The following TRAFD1 variants were observed in gnomAD, a reference collection of about 807,000 sequenced individuals.
TRAFD1 encodes the protein TRAF-type zinc finger domain containing 1.
TRAFD1 carries 38 observed loss-of-function variants against 65.3 expected under a neutral mutation model. That is an observed-to-expected ratio of 0.58 (90% CI 0.45 to 0.76). TRAFD1 has a LOEUF of 0.76. TRAFD1 is among the 30% of genes least tolerant of loss of function. TRAFD1 has a pLI of 0.00. For synonymous variants in TRAFD1, 223 were observed against 257.2 expected (o/e 0.87, Z 1.27); for missense variants, 631 against 712.6 (o/e 0.89, Z 1.30).
chr12:112,144,296 G>A (rs2030177368), intron 6 of TRAFD1, among the ~76,000 whole-genome samples: 1 of 149,012 alleles, frequency 6.7e-6, no homozygotes. Flanking sequence ...TTGAGACAGA[G>A]TCTCCCTCTG....
chr12:112,139,711 T>C (rs1327853355), intron 4 of TRAFD1, among the ~76,000 whole-genome samples: 1 of 152,208 alleles, frequency 6.6e-6, no homozygotes, highest in African/African-American at 2.4e-5. Context: ...GCGTGGGCCA[T>C]TGCCCAGGTC....
At position 112,149,889 on chromosome 12, in the gene TRAFD1, C is replaced by T; in HGVS notation, c.1279+18C>T. 1.2e-6 allele frequency: 2 copies of T among 1,613,728 alleles called. No individual in the cohort carries two copies. Among genetic ancestry groups the T allele is most frequent in the Non-Finnish European group, 1.7e-6 (2 of 1,179,724 alleles). On this transcript the variant is annotated intron_variant, in intron 9 of 11. Transcript: ENST00000412615. ...ACACCAGGGTATTTATTAGCCAGGA[C>T]TCAGCCAAGGCCGCAGGTCTACTGC...
chr12:112,140,325 CAGG>C (rs889686274), intron 4 of TRAFD1: 2 of 163,532 alleles, frequency 1.2e-5, no homozygotes, highest in African/African-American at 5.0e-5. Context: ...GAGGCTGAGG[CAGG>C]AGAATCGTGT....
chr12:112,132,332 G>A (rs1200005411), intron 2 of TRAFD1, among the ~76,000 whole-genome samples: 1 of 152,112 alleles, frequency 6.6e-6, no homozygotes, highest in Non-Finnish European at 1.5e-5. Flanking sequence ...AATCCCAAGA[G>A]TAGGATTATT....
Position 112,134,800 on chromosome 12 carries a change from G to GT in TRAFD1, c.111dup (p.Met38TyrfsTer6). On this transcript the variant is annotated frameshift_variant, in exon 3 of 12. Transcript: ENST00000412615. LOFTEE classifies it high-confidence loss of function. ...GAGATCCACTGTCAAAGGAACATTG[G>GT]TATGTGTCCTACCTGTAAGGAACCA... The GT allele has an allele frequency of 6.2e-7, 1 of 1,613,764 alleles. No individual in the cohort carries two copies. The highest frequency in any genetic ancestry group is 8.5e-7 in the Non-Finnish European group (1 of 1,179,660).
rs972172067 is a variant in TRAFD1 at position 112,148,118 on chromosome 12, C to T, written c.972C>T (p.Gly324=). 6.2e-7 allele frequency: 1 copy of T among 1,614,186 alleles called. No homozygotes were observed. The highest frequency in any genetic ancestry group is 8.5e-7 in the Non-Finnish European group (1 of 1,180,006). The change falls in exon 8 of 12, where the codon GGC becomes GGT. Residue 324 remains glycine, a synonymous_variant. Coordinates refer to ENST00000412615, the MANE Select transcript of TRAFD1 (RefSeq NM_006700.3). ...GTGCCTTACCTTCACTCAATACTGG[C>T]AGCTCTTCCCCCAGAGGGGTGGAGG... is the stretch of plus-strand genomic sequence containing the variant. ...PSRALPSLNT[G]SSSPRGVEEP... is the part of the protein sequence containing the mutation.
chr12:112,127,030 T>C (rs2079542011), intron 1 of TRAFD1, among the ~76,000 whole-genome samples: 1 of 152,230 alleles, frequency 6.6e-6, no homozygotes, highest in Non-Finnish European at 1.5e-5. Flanking sequence ...TGGAATCGAA[T>C]CCAATATTCT....
At chr12:112,140,142 C>T (rs916863790) in intron 4 of TRAFD1, 9 of 338,586 alleles carry the variant, frequency 2.7e-5, no homozygotes, top group African/African-American at 6.7e-5. Context: ...AATTGGAGGC[C>T]GGGCGTGGTG....
In TRAFD1 at chr12:112,142,087, A is replaced by G; in HGVS notation, c.644-2A>G. On this transcript the variant is annotated splice_acceptor_variant, in intron 5 of 11. Coordinates refer to ENST00000412615, the MANE Select transcript of TRAFD1 (RefSeq NM_006700.3). LOFTEE classifies it high-confidence loss of function. ...GAATGTTGGTTGGTTTTTTTTTTTC[A>G]GTTGAAGAACAAGAGAGGCAGGAAA... 3 of 1,603,866 alleles carry G rather than the reference A, an allele frequency of 1.9e-6. No individual in the cohort carries two copies. The highest frequency in any genetic ancestry group is 2.6e-6 in the Non-Finnish European group (3 of 1,175,908).
chr12:112,132,469 A>G (rs1555244091), intron 2 of TRAFD1, among the ~76,000 whole-genome samples: 1 of 152,228 alleles, frequency 6.6e-6, no homozygotes, highest in Non-Finnish European at 1.5e-5. Flanking sequence ...GTTGGGATGT[A>G]TTATTTTAAC....
intron 2 of TRAFD1, among the ~76,000 whole-genome samples, chr12:112,134,297 AC>A (rs796380533): frequency 2.8e-5 from 4 of 141,680 alleles, no homozygotes; most frequent in African/African-American, 1.1e-4. Flanking sequence ...GGCGTGAGCC[AC>A]GGCGCCCGGC....
chr12:112,146,760 T>G (rs780293297), intron 7 of TRAFD1, among the ~76,000 whole-genome samples: 3 of 152,168 alleles, frequency 2.0e-5, no homozygotes, highest in Non-Finnish European at 4.4e-5. Flanking sequence ...CCCACCTCTC[T>G]TATAGTTTGT....
At chr12:112,129,024 C>G (rs1168332755) in intron 1 of TRAFD1, among the ~76,000 whole-genome samples, 1 of 124,188 alleles carries the variant, frequency 8.1e-6, no homozygotes, top group Non-Finnish European at 1.6e-5. Context: ...GAGTGAGACT[C>G]TGTTTAAAAA....
intron 6 of TRAFD1, among the ~76,000 whole-genome samples, chr12:112,142,611 C>G (rs1467574565): frequency 6.6e-6 from 1 of 151,490 alleles, no homozygotes. Context: ...GATTGTGCCA[C>G]TGCACTCCAG....
chr12:112,138,855 C>A (rs1302304468), intron 4 of TRAFD1, among the ~76,000 whole-genome samples: 28 of 125,450 alleles, frequency 2.2e-4, no homozygotes, highest in African/African-American at 8.6e-4. Context: ...CGAACTCCGT[C>A]TCAAAAAAAA....
chr12:112,149,736 G>A lies in TRAFD1; in HGVS notation c.1159-15G>A. On this transcript the variant is annotated splice_polypyrimidine_tract_variant and intron_variant, in intron 8 of 11. Coordinates refer to ENST00000412615, the MANE Select transcript of TRAFD1 (RefSeq NM_006700.3). ...ACTCAATTCAGAGGTACTAATTCTG[G>A]TTTTTCTTGTTTAGGACCAGTGTGA... 1.2e-6 allele frequency: 2 copies of A among 1,613,800 alleles called. No individual in the cohort carries two copies. The highest frequency in any genetic ancestry group is 8.5e-7 in the Non-Finnish European group (1 of 1,179,788).
At chr12:112,135,137 G>A (rs148107405) in intron 4 of TRAFD1, 71 bp downstream of exon 4, 22,338 of 1,571,030 alleles carry the variant, frequency 0.014, 186 homozygotes, top group Non-Finnish European at 0.017. Flanking sequence ...AGAGCAGGAA[G>A]CCAGTCTGGT....
chr12:112,148,415 G>A, intron 8 of TRAFD1, 111 bp downstream of exon 8: 1 of 921,434 alleles, frequency 1.1e-6, no homozygotes, highest in Non-Finnish European at 1.7e-6. Flanking sequence ...GACAAGGAAT[G>A]CACACACTTG....
chr12:112,134,848 C>G lies in TRAFD1; in HGVS notation c.158C>G (p.Thr53Ser), dbSNP rs768638859. 40 of 1,613,370 alleles carry G rather than the reference C, an allele frequency of 2.5e-5. 1 individual carries two copies. The Admixed American group carries it at 6.5e-4, about 26-fold the overall frequency. The change falls in exon 3 of 12, where the codon ACT (threonine) becomes AGT (serine). Residue 53 changes from threonine to serine, a missense_variant. Coordinates refer to ENST00000412615, the MANE Select transcript of TRAFD1 (RefSeq NM_006700.3). ...CCATTTCCCAAATCTGACATGGAGA[C>G]TCACATGGCTGCAGAACACTGTCAG... is the stretch of plus-strand genomic sequence containing the variant. ...KEPFPKSDME[T>S]HMAAEHCQVT...
Sources: allele counts gnomAD v4.1 joint callset (sites outside exome capture counted in the v4.1 genomes callset), GRCh38; gene constraint gnomAD v4.1.1; transcripts MANE v1.5; gene names NCBI Gene and HGNC (gene_info 2026-07-23, HGNC 2026-07-21).